Variants in KCNIP4 observed in about 807,000 individuals in gnomAD.
The protein encoded by KCNIP4 is Kv channel-interacting protein 4.
A neutral mutation model predicts 34.0 loss-of-function variants in KCNIP4; 12 were observed. That is an observed-to-expected ratio of 0.35 (90% CI 0.23 to 0.57). The LOEUF (loss-of-function observed/expected upper bound fraction) is 0.57, where lower values mean the gene tolerates loss of function less well. Ranked by LOEUF, KCNIP4 falls within the 20% of genes least tolerant of loss-of-function variation. KCNIP4 has a pLI of 0.83. For missense variants in KCNIP4, 238 were observed against 311.7 expected, an observed-to-expected ratio of 0.76 and a Z score of 1.78; for synonymous variants, 124 against 102.2, an observed-to-expected ratio of 1.21 and a Z score of -1.29.
chr4:21,567,313 G>A (rs553686859), intron 1 of KCNIP4, among the ~76,000 whole-genome samples: 1 of 151,574 alleles, frequency 6.6e-6, no homozygotes, highest in African/African-American at 2.4e-5. Flanking sequence ...TGAAGCTAGG[G>A]GTGGCCAATG....
intron 1 of KCNIP4, among the ~76,000 whole-genome samples, chr4:21,568,155 T>A (rs2109045986): frequency 6.6e-6 from 1 of 152,248 alleles, no homozygotes. Flanking sequence ...TGTGTGAACT[T>A]AATAAGTGAC....
chr4:20,871,902 A>G (rs945191918), intron 2 of KCNIP4, among the ~76,000 whole-genome samples: 1 of 152,148 alleles, frequency 6.6e-6, no homozygotes, highest in Non-Finnish European at 1.5e-5. Flanking sequence ...TTAAGTGAAA[A>G]GAGTTGGAAG....
chr4:21,499,115 G>C (rs1903318), intron 1 of KCNIP4, among the ~76,000 whole-genome samples: 3,974 of 152,038 alleles, frequency 0.026, 149 homozygotes, highest in African/African-American at 0.083. Context: ...GGCAGATCAC[G>C]AGGTCAGAAG....
At chr4:21,276,494 C>T (rs998325609) in intron 1 of KCNIP4, among the ~76,000 whole-genome samples, 5 of 151,952 alleles carry the variant, frequency 3.3e-5, no homozygotes, top group South Asian at 2.1e-4. Flanking sequence ...CGTGAGCCAC[C>T]GCACCCAGTC....
intron 3 of KCNIP4, among the ~76,000 whole-genome samples, chr4:20,796,227 A>C (rs149489836): frequency 2.5e-4 from 38 of 152,296 alleles, no homozygotes; most frequent in Middle Eastern, 3.4e-3. Flanking sequence ...CTGACTCTCA[A>C]ACATTCTGAA....
chr4:20,871,660 T>C (rs1723473624), intron 2 of KCNIP4, among the ~76,000 whole-genome samples: 1 of 152,124 alleles, frequency 6.6e-6, no homozygotes. Flanking sequence ...TGGCTGTATT[T>C]AACATTCATT....
intron 1 of KCNIP4, among the ~76,000 whole-genome samples, chr4:20,921,296 T>C (rs1024634416): frequency 1.3e-5 from 2 of 152,154 alleles, no homozygotes; most frequent in African/African-American, 4.8e-5. Flanking sequence ...GGATGAGATG[T>C]AGGTTACTTT....
At chr4:21,233,973 T>A (rs1759009351) in intron 1 of KCNIP4, among the ~76,000 whole-genome samples, 1 of 137,434 alleles carries the variant, frequency 7.3e-6, no homozygotes, top group Non-Finnish European at 1.5e-5. Flanking sequence ...ATATATTATA[T>A]AACATATATA....
chr4:21,445,977 A>G (rs1313561280), intron 1 of KCNIP4, among the ~76,000 whole-genome samples: 2 of 152,242 alleles, frequency 1.3e-5, no homozygotes, highest in African/African-American at 4.8e-5. Flanking sequence ...ATGAACAGAC[A>G]CTTCTCAAAA....
chr4:21,410,392 G>C (rs1427341919), intron 1 of KCNIP4, among the ~76,000 whole-genome samples: 2 of 152,110 alleles, frequency 1.3e-5, no homozygotes, highest in Admixed American at 1.3e-4. Context: ...AGTATTCTAT[G>C]ACTTGCAAGG....
chr4:21,646,406 A>ATTG, intron 1 of KCNIP4, among the ~76,000 whole-genome samples: 1 of 152,198 alleles, frequency 6.6e-6, no homozygotes, highest in South Asian at 2.1e-4. Flanking sequence ...ATGAGTCAAT[A>ATTG]TTGTTGTCTT....
At chr4:21,528,704 A>G (rs1489532297) in intron 1 of KCNIP4, among the ~76,000 whole-genome samples, 13 of 248 alleles carry the variant, frequency 0.052, no homozygotes, top group African/African-American at 0.094. Flanking sequence ...AGAAAGAAAG[A>G]AAGAAAGAAA....
chr4:20,789,381 AAAAG>A (rs1464184167), intron 3 of KCNIP4, among the ~76,000 whole-genome samples: 4 of 152,206 alleles, frequency 2.6e-5, no homozygotes, highest in Non-Finnish European at 5.9e-5. Context: ...CACAGACAAA[AAAAG>A]AAAGATACTC....
intron 1 of KCNIP4, among the ~76,000 whole-genome samples, chr4:21,861,801 T>C (rs550925157): frequency 1.4e-4 from 22 of 152,336 alleles, no homozygotes; most frequent in Non-Finnish European, 3.1e-4. Context: ...TCTTCCTTGA[T>C]TGACAAACAT....
At chr4:20,833,180 C>T (rs899970682) in intron 3 of KCNIP4, among the ~76,000 whole-genome samples, 4 of 152,350 alleles carry the variant, frequency 2.6e-5, no homozygotes, top group Admixed American at 6.5e-5. Flanking sequence ...TTTATGATAA[C>T]GTGCGGTGCA....
At chr4:21,292,038 G>A (rs187186925) in intron 1 of KCNIP4, among the ~76,000 whole-genome samples, 197 of 152,238 alleles carry the variant, frequency 1.3e-3, no homozygotes, top group African/African-American at 4.4e-3. Flanking sequence ...TATTTGTGAA[G>A]GCACAGTATA....
chr4:21,713,806 T>A (rs1256138511), intron 1 of KCNIP4, among the ~76,000 whole-genome samples: 1 of 152,142 alleles, frequency 6.6e-6, no homozygotes, highest in African/African-American at 2.4e-5. Context: ...CTTTCTTTCA[T>A]CACATAAACA....
intron 1 of KCNIP4, among the ~76,000 whole-genome samples, chr4:21,417,392 T>TGAAATAA (rs1725047900): frequency 1.3e-5 from 2 of 151,686 alleles, no homozygotes; most frequent in African/African-American, 4.8e-5. Flanking sequence ...TTAAAAAAAA[T>TGAAATAA]AAAATAAAAA....
chr4:21,312,973 A>G (rs1713352762), intron 1 of KCNIP4, among the ~76,000 whole-genome samples: 1 of 152,228 alleles, frequency 6.6e-6, no homozygotes, highest in African/African-American at 2.4e-5. Flanking sequence ...AGAAGTGTGA[A>G]GCTGATTTAG....
Sources: allele counts gnomAD v4.1 joint callset (sites outside exome capture counted in the v4.1 genomes callset), GRCh38; gene constraint gnomAD v4.1.1; transcripts MANE v1.5; gene names NCBI Gene and HGNC (gene_info 2026-07-23, HGNC 2026-07-21).